The following GPC5 variants were observed in gnomAD, a reference collection of about 807,000 sequenced individuals.
GPC5 encodes glypican 5.
Under a neutral mutation model 53.9 loss-of-function variants are expected in GPC5, and 47 were observed. That is an observed-to-expected ratio of 0.87 (90% confidence interval 0.69 to 1.11). The LOEUF (loss-of-function observed/expected upper bound fraction) is 1.11, where lower values mean the gene tolerates loss of function less well. GPC5 is among the 50% of genes most tolerant of loss of function. The pLI, the probability that GPC5 is intolerant of heterozygous loss-of-function variation, is 0.00. For missense variants in GPC5, 748 were observed against 713.1 expected (o/e 1.05, Z -0.56); for synonymous variants, 286 against 263.3 (o/e 1.09, Z -0.84).
rs3221585 is a variant in GPC5 at position 91,959,101 on chromosome 13, C to CAA, written c.1401+51045_1401+51046insAA. On this transcript the variant is annotated intron_variant, in intron 6 of 7. Coordinates refer to ENST00000377067, the MANE Select transcript of GPC5 (RefSeq NM_004466.6). ...ACACACACACACACACACACACACACATCAATGATGAAACAGAAAGTTGTT... is the reference window on the plus strand; with the variant it reads ...ACACACACACACACACACACACACACAAATCAATGATGAAACAGAAAGTTGTT... Among the ~76,000 whole-genome samples the CAA allele has an allele frequency of 4.0e-3, 572 of 142,490 alleles. 7 individuals carry two copies. Among genetic ancestry groups the CAA allele is most frequent in the African/African-American group, 0.015 (558 of 36,854 alleles). 93.5% of individuals were successfully genotyped at this position (142,490 alleles called of 152,430 possible). A position where few individuals can be genotyped will look rare whatever the true frequency, so the allele number is the denominator to read the frequency against.
intron 7 of GPC5, among the ~76,000 whole-genome samples, chr13:92,738,004 TCCAC>T (rs1888985706): frequency 6.6e-6 from 1 of 151,890 alleles, no homozygotes; most frequent in South Asian, 2.1e-4. Context: ...CCTCAGGTGA[TCCAC>T]CCACTTCAGC....
chr13:92,483,324 T>C (rs1879426403), intron 7 of GPC5, among the ~76,000 whole-genome samples: 1 of 152,192 alleles, frequency 6.6e-6, no homozygotes, highest in African/African-American at 2.4e-5. Context: ...GTGGAGCCTT[T>C]TGCTCCCAGG....
At chr13:91,494,354 T>C (rs1884126872) in intron 2 of GPC5, among the ~76,000 whole-genome samples, 1 of 140,236 alleles carries the variant, frequency 7.1e-6, no homozygotes. Flanking sequence ...TTATTTTTAT[T>C]AATTATTATT....
At chr13:92,437,477 A>C (rs1283842911) in intron 7 of GPC5, among the ~76,000 whole-genome samples, 1 of 152,168 alleles carries the variant, frequency 6.6e-6, no homozygotes, top group Non-Finnish European at 1.5e-5. Context: ...TAATATACAC[A>C]TTATACCTTA....
intron 7 of GPC5, among the ~76,000 whole-genome samples, chr13:92,543,484 G>A (rs561426646): frequency 6.6e-6 from 1 of 152,058 alleles, no homozygotes; most frequent in South Asian, 2.1e-4. Flanking sequence ...GGTATCCAAG[G>A]TACTAGTTTC....
At chr13:92,828,934 G>A (rs896132527) in intron 7 of GPC5, among the ~76,000 whole-genome samples, 4 of 151,970 alleles carry the variant, frequency 2.6e-5, no homozygotes, top group Admixed American at 1.3e-4. Flanking sequence ...CTTAGACTTC[G>A]CCACCACGCA....
chr13:91,650,099 T>G (rs2034661200), intron 2 of GPC5, among the ~76,000 whole-genome samples: 1 of 152,170 alleles, frequency 6.6e-6, no homozygotes, highest in Non-Finnish European at 1.5e-5. Context: ...GCAAATCTTA[T>G]TCAGTATTTA....
chr13:91,679,517 GT>G (rs2035459593), intron 2 of GPC5, among the ~76,000 whole-genome samples: 1 of 152,162 alleles, frequency 6.6e-6, no homozygotes, highest in South Asian at 2.1e-4. Flanking sequence ...ACCTCAGAGT[GT>G]TTTTGAGATC....
rs146345479 is a variant in GPC5 at position 92,278,054 on chromosome 13, C to A, written c.1561+133065C>A. Among the ~76,000 whole-genome samples the A allele has an allele frequency of 7.6e-4, 116 of 151,688 alleles. No individual in the cohort carries two copies. In the East Asian group the frequency reaches 0.022, roughly 28 times the overall value. ...TAGGCTATTACTCTCTGGAGTTAAC[C>A]AAAGATCCTAGCACTCTCAAGAAAG... On this transcript the variant is annotated intron_variant, in intron 7 of 7. Coordinates refer to ENST00000377067, the MANE Select transcript of GPC5 (RefSeq NM_004466.6).
intron 7 of GPC5, among the ~76,000 whole-genome samples, chr13:92,840,086 T>TATATATATATATATATATAC: frequency 5.7e-5 from 2 of 34,840 alleles, no homozygotes; most frequent in Admixed American, 2.6e-4. Flanking sequence ...TACATATATA[T>TATATATATATATATATATAC]ATATATATAT....
chr13:92,534,723 A>G (rs1408502027), intron 7 of GPC5, among the ~76,000 whole-genome samples: 1 of 152,234 alleles, frequency 6.6e-6, no homozygotes, highest in Non-Finnish European at 1.5e-5. Context: ...AGGAAACAAA[A>G]TATGAATTAA....
intron 6 of GPC5, among the ~76,000 whole-genome samples, chr13:92,101,305 C>T (rs1354324800): frequency 6.6e-6 from 1 of 151,970 alleles, no homozygotes; most frequent in African/African-American, 2.4e-5. Flanking sequence ...TGCTCAATTT[C>T]AAAATGATAT....
At chr13:92,382,266 G>A (rs1032450902) in intron 7 of GPC5, among the ~76,000 whole-genome samples, 54 of 151,990 alleles carry the variant, frequency 3.6e-4, no homozygotes, top group African/African-American at 1.2e-3. Flanking sequence ...ATGGTGCAGT[G>A]TATATACTGC....
intron 5 of GPC5, among the ~76,000 whole-genome samples, chr13:91,756,752 A>G (rs1482570016): frequency 8.1e-6 from 1 of 123,114 alleles, no homozygotes; most frequent in Non-Finnish European, 1.8e-5. Flanking sequence ...TTTTTAGTTT[A>G]AATTCATGAG....
intron 7 of GPC5, among the ~76,000 whole-genome samples, chr13:92,477,416 G>C (rs1359538734): frequency 6.6e-6 from 1 of 151,582 alleles, no homozygotes; most frequent in Non-Finnish European, 1.5e-5. Context: ...AAGAACCCAG[G>C]CATGTATCTG....
intron 7 of GPC5, among the ~76,000 whole-genome samples, chr13:92,756,556 C>A (rs1042883200): frequency 1.9e-4 from 28 of 150,842 alleles, no homozygotes; most frequent in African/African-American, 5.6e-4. Context: ...TGTTTGCAGA[C>A]GACATGATTG....
At chr13:92,709,411 T>C (rs2139266696) in intron 7 of GPC5, 1 of 152,192 alleles carries the variant, frequency 6.6e-6, no homozygotes, top group Middle Eastern at 3.4e-3. Context: ...CACACACAAC[T>C]CAGTATATTA....
intron 7 of GPC5, among the ~76,000 whole-genome samples, chr13:92,433,699 T>C (rs7994963): frequency 0.3 from 44,971 of 151,828 alleles, 7,371 homozygotes; most frequent in East Asian, 0.61. Flanking sequence ...AGTACATGAA[T>C]TATAAACAAT....
intron 7 of GPC5, among the ~76,000 whole-genome samples, chr13:92,251,938 A>G (rs2042695636): frequency 6.6e-6 from 1 of 152,176 alleles, no homozygotes; most frequent in South Asian, 2.1e-4. Flanking sequence ...TGTAGTTAGA[A>G]GCAGAAAGAA....
Sources: gnomAD v4.1 joint callset for allele counts (sites outside exome capture counted in the v4.1 genomes callset) on GRCh38, gnomAD v4.1.1 for gene constraint, MANE v1.5 for transcripts, NCBI Gene and HGNC (gene_info 2026-07-23, HGNC 2026-07-21) for gene names.